The following TBXAS1 variants were observed in gnomAD, a reference collection of about 807,000 sequenced individuals.
TBXAS1 encodes the protein thromboxane A synthase 1.
TBXAS1 carries 48 observed loss-of-function variants against 60.7 expected under a neutral mutation model. That is an observed-to-expected ratio of 0.79 (90% CI 0.63 to 1.01). TBXAS1 has a LOEUF of 1.01. Ranked by LOEUF, TBXAS1 falls within the 50% of genes least tolerant of loss-of-function variation. The pLI, the probability that TBXAS1 is intolerant of heterozygous loss-of-function variation, is 0.00. For synonymous variants in TBXAS1, 287 were observed against 269.7 expected, an observed-to-expected ratio of 1.06 and a Z score of -0.63; for missense variants, 685 against 686.3, an observed-to-expected ratio of 1.00 and a Z score of 0.02.
At chr7:139,906,647 A>C (rs1474729680) in intron 3 of TBXAS1, among the ~76,000 whole-genome samples, 1 of 152,178 alleles carries the variant, frequency 6.6e-6, no homozygotes, top group Non-Finnish European at 1.5e-5. Flanking sequence ...GTTTGTCTAC[A>C]CCTACAAATA....
chr7:139,952,591 T>A, intron 5 of TBXAS1: 1 of 1,537,308 alleles, frequency 6.5e-7, no homozygotes, highest in Non-Finnish European at 8.7e-7. Flanking sequence ...AAAGGTCACA[T>A]GGGTGGCCAG....
At chr7:139,919,127 G>A (rs1279514047) in intron 4 of TBXAS1, among the ~76,000 whole-genome samples, 1 of 152,122 alleles carries the variant, frequency 6.6e-6, no homozygotes, top group Non-Finnish European at 1.5e-5. Flanking sequence ...AGAATTTGGG[G>A]TTATACAAGT....
intron 1 of TBXAS1, among the ~76,000 whole-genome samples, chr7:139,837,167 G>A (rs953739963): frequency 2.0e-5 from 3 of 152,158 alleles, no homozygotes; most frequent in Non-Finnish European, 4.4e-5. Context: ...GTAGATGTTG[G>A]CGAGGATGTG....
At chr7:139,868,577 G>C in intron 1 of TBXAS1, among the ~76,000 whole-genome samples, 1 of 151,216 alleles carries the variant, frequency 6.6e-6, no homozygotes, top group Non-Finnish European at 1.5e-5. Context: ...TCAAACTCCT[G>C]AGCTCAAGTG....
chr7:139,939,989 C>T (rs377717586), intron 5 of TBXAS1, among the ~76,000 whole-genome samples: 8 of 152,304 alleles, frequency 5.3e-5, no homozygotes, highest in East Asian at 3.9e-4. Flanking sequence ...GTAATTTTCC[C>T]GCACCCGCGG....
chr7:139,909,304 G>C (rs542438979), intron 3 of TBXAS1, among the ~76,000 whole-genome samples: 2 of 152,148 alleles, frequency 1.3e-5, no homozygotes, highest in African/African-American at 4.8e-5. Context: ...TGCTCTGGAG[G>C]GGGGTTGAGA....
At chr7:139,991,986 G>A (rs982397611) in intron 9 of TBXAS1, among the ~76,000 whole-genome samples, 6 of 152,178 alleles carry the variant, frequency 3.9e-5, no homozygotes, top group African/African-American at 9.6e-5. Context: ...GGGGAGCCTC[G>A]TGGGAATCCC....
chr7:139,943,782 G>A (rs1211724649), intron 5 of TBXAS1, among the ~76,000 whole-genome samples: 2 of 152,068 alleles, frequency 1.3e-5, no homozygotes, highest in Non-Finnish European at 2.9e-5. Flanking sequence ...ATGGTGTAGT[G>A]GAAGAAGGAA....
chr7:139,992,530 C>G lies in TBXAS1; in HGVS notation c.1135-14561C>G, dbSNP rs371852255. On this transcript the variant is annotated intron_variant, in intron 9 of 12. Transcript: ENST00000448866. ...TGTAGAGGCCACTCTTGGCAAGAAG[C>G]CTTTTTCACTAAAAGCCATCAGCTG... Among the ~76,000 whole-genome samples, 685 of 152,338 alleles carry G rather than the reference C, an allele frequency of 4.5e-3. 7 individuals carry two copies. The highest frequency in any genetic ancestry group is 0.015 in the African/African-American group (604 of 41,574).
chr7:139,961,886 C>G (rs775443424), intron 8 of TBXAS1, 33 bp from the exon 9 acceptor site: 1 of 1,613,838 alleles, frequency 6.2e-7, no homozygotes, highest in South Asian at 1.1e-5. Context: ...ACTGTAAGGT[C>G]AAAATGTGCA....
At chr7:139,900,411 C>A (rs1245886839) in intron 3 of TBXAS1, among the ~76,000 whole-genome samples, 1 of 152,172 alleles carries the variant, frequency 6.6e-6, no homozygotes, top group Non-Finnish European at 1.5e-5. Context: ...AGGACCCATG[C>A]CACCTCAGGG....
intron 4 of TBXAS1, chr7:139,913,219 C>T (rs1805677928): frequency 1.4e-6 from 1 of 691,776 alleles, no homozygotes; most frequent in South Asian, 1.5e-5. Flanking sequence ...ATTCTCTTTC[C>T]CAAACACTGC....
At chr7:139,950,492 C>A (rs1312930008) in intron 5 of TBXAS1, among the ~76,000 whole-genome samples, 1 of 152,186 alleles carries the variant, frequency 6.6e-6, no homozygotes, top group East Asian at 1.9e-4. Flanking sequence ...TCATGAGTCT[C>A]AGATGCTCTG....
At chr7:139,803,246 C>T (rs1046286516) in intron 4 of TBXAS1, among the ~76,000 whole-genome samples, 1 of 152,152 alleles carries the variant, frequency 6.6e-6, no homozygotes. Flanking sequence ...GAGGTGGTCT[C>T]AGACGGAGAT....
intron 1 of TBXAS1, among the ~76,000 whole-genome samples, chr7:139,861,281 T>A (rs1456245483): frequency 1.3e-5 from 2 of 152,256 alleles, no homozygotes; most frequent in Admixed American, 1.3e-4. Flanking sequence ...TTGCCCAGGC[T>A]GGAGTGCAGT....
chr7:139,827,246 T>C (rs1213636157), upstream of TBXAS1, among the ~76,000 whole-genome samples: 3 of 152,160 alleles, frequency 2.0e-5, no homozygotes, highest in African/African-American at 7.2e-5. Flanking sequence ...TCCTAAGACC[T>C]GTGGGGGCAC....
intron 4 of TBXAS1, among the ~76,000 whole-genome samples, chr7:139,914,535 T>C (rs1228650343): frequency 2.0e-5 from 3 of 152,042 alleles, no homozygotes; most frequent in East Asian, 3.9e-4. Context: ...GGATCATGCA[T>C]ATAACCTCTC....
chr7:139,786,144 A>G (rs1248145440), intron 3 of TBXAS1, among the ~76,000 whole-genome samples: 2 of 150,948 alleles, frequency 1.3e-5, no homozygotes, highest in Non-Finnish European at 1.5e-5. Context: ...CAGGAACATT[A>G]GGTCCATCAC....
At chr7:139,784,174 T>G (rs1273481026) in intron 3 of TBXAS1, among the ~76,000 whole-genome samples, 1 of 128,378 alleles carries the variant, frequency 7.8e-6, no homozygotes, top group South Asian at 2.9e-4. Flanking sequence ...CCTCCCTCCC[T>G]TCTTTCTCTT....
Sources: allele counts gnomAD v4.1 joint callset (sites outside exome capture counted in the v4.1 genomes callset), GRCh38; gene constraint gnomAD v4.1.1; transcripts MANE v1.5; gene names NCBI Gene and HGNC (gene_info 2026-07-23, HGNC 2026-07-21).